KDM5A: variants seen among roughly 807,000 people sequenced by gnomAD.
KDM5A encodes lysine-specific demethylase 5A.
A neutral mutation model predicts 193.5 loss-of-function variants in KDM5A; 42 were observed. The ratio of observed to expected loss-of-function variants is 0.22; its 90% CI spans 0.17 to 0.28. The LOEUF (loss-of-function observed/expected upper bound fraction) is 0.28, where lower values mean the gene tolerates loss of function less well. Ranked by LOEUF, KDM5A falls within the 10% of genes least tolerant of loss-of-function variation. The pLI is 1.00. For missense variants in KDM5A, 1,692 were observed against 2,055.1 expected (o/e 0.82, Z 3.42); for synonymous variants, 796 against 718.1 (o/e 1.11, Z -1.73).
chr12:296,948 C>T lies in KDM5A; in HGVS notation c.4234+93G>A, dbSNP rs1943380953. ...TATTTCATGGCCAACCATTGTACTC[C>T]ACTCGAAATGGAGTCACAGTCTTGA... On this transcript the variant is annotated intron_variant, in intron 25 of 27. Coordinates refer to ENST00000399788, the MANE Select transcript of KDM5A (RefSeq NM_001042603.3). 5.3e-6 allele frequency: 7 copies of T among 1,312,526 alleles called. No homozygotes were observed. In the South Asian group the frequency reaches 8.6e-5, roughly 16 times the overall value. The allele number at this position is 1,312,526 out of a possible 1,614,324, so 81.3% of individuals were successfully genotyped here.
rs1192925365 is a variant in KDM5A, at chr12:354,247, AAAT to A, written c.871-16_871-14del. ...CATAGAGATCAACCTGTTAAAAAAA[AAAT>A]AAATGAAAGTCTATTTTCTATAATA... On this transcript the variant is annotated splice_polypyrimidine_tract_variant and intron_variant, in intron 7 of 27. Transcript: ENST00000399788. 6.4e-7 allele frequency: 1 copy of A among 1,569,240 alleles called. No homozygotes were observed. The highest frequency in any genetic ancestry group is 1.4e-5 in the African/African-American group (1 of 73,592).
intron 2 of KDM5A, among the ~76,000 whole-genome samples, 162 bp from the exon 3 acceptor site, chr12:384,315 C>A (rs910200852): frequency 3.9e-5 from 6 of 152,190 alleles, no homozygotes; most frequent in African/African-American, 1.4e-4. Context: ...GGCAACCAAC[C>A]GGGCAAGCAT....
chr12:331,244 C>G (rs1050079834), intron 13 of KDM5A, among the ~76,000 whole-genome samples: 1 of 152,064 alleles, frequency 6.6e-6, no homozygotes, highest in Non-Finnish European at 1.5e-5. Context: ...TTAATAAGTC[C>G]CAAAATGCTC....
chr12:294,941 C>A (rs1943350100), intron 26 of KDM5A, among the ~76,000 whole-genome samples: 1 of 152,152 alleles, frequency 6.6e-6, no homozygotes, highest in Non-Finnish European at 1.5e-5. Context: ...ATCAAATGAG[C>A]TCATGGAACT....
chr12:308,741 C>T (rs1467072712), intron 22 of KDM5A, among the ~76,000 whole-genome samples: 1 of 152,234 alleles, frequency 6.6e-6, no homozygotes, highest in African/African-American at 2.4e-5. Flanking sequence ...TAGGCAGGCT[C>T]TCTAATCAGA....
chr12:325,556 A>T (rs1455592903), intron 14 of KDM5A, among the ~76,000 whole-genome samples: 1 of 151,868 alleles, frequency 6.6e-6, no homozygotes, highest in Non-Finnish European at 1.5e-5. Context: ...CATGCTTGTA[A>T]CCCTAACTAC....
chr12:385,118 G>A (rs1944623877), intron 2 of KDM5A, among the ~76,000 whole-genome samples: 1 of 151,292 alleles, frequency 6.6e-6, no homozygotes, highest in South Asian at 2.1e-4. Flanking sequence ...GGGAGGTAGA[G>A]GTTGCAGTGA....
intron 1 of KDM5A, chr12:388,679 C>T: frequency 1.7e-6 from 1 of 581,918 alleles, no homozygotes; most frequent in Non-Finnish European, 3.1e-6. Context: ...AGGCCCACGG[C>T]TGAGAGAAAA....
At chr12:331,064 AC>A (rs1943860056) in intron 13 of KDM5A, among the ~76,000 whole-genome samples, 1 of 150,992 alleles carries the variant, frequency 6.6e-6, no homozygotes, top group African/African-American at 2.4e-5. Context: ...TCAATATTAT[AC>A]TCTTTTAAAA....
At chr12:352,475 A>G in intron 8 of KDM5A, 151 bp from the exon 9 acceptor site, 2 of 695,672 alleles carry the variant, frequency 2.9e-6, no homozygotes, top group Non-Finnish European at 5.0e-6. Context: ...TACTTACAAT[A>G]CCGTATCAGG....
At chr12:372,445 T>C (rs1944440857) in intron 3 of KDM5A, among the ~76,000 whole-genome samples, 1 of 152,236 alleles carries the variant, frequency 6.6e-6, no homozygotes, top group Non-Finnish European at 1.5e-5. Flanking sequence ...TGATTTTGTA[T>C]CCTGAGACTT....
Position 389,299 on chromosome 12 carries a change from T to C in KDM5A, c.-208A>G. 1.4e-6 allele frequency: 1 copy of C among 690,652 alleles called. No homozygotes were observed. The highest frequency in any genetic ancestry group is 1.8e-5 in the African/African-American group (1 of 56,962). The allele number at this position is 690,652 out of a possible 1,614,324, so 42.8% of individuals were successfully genotyped here. ...GCTTTTCCACTGAGGTTCAGGACTT[T>C]TCCGGAAGTTACCGTGCTGTCAAAT... On this transcript the variant is annotated 5_prime_UTR_variant, in exon 1 of 28. Coordinates refer to ENST00000399788, the MANE Select transcript of KDM5A (RefSeq NM_001042603.3).
At chr12:388,087 T>C (rs776178598) in intron 1 of KDM5A, 4 of 243,154 alleles carry the variant, frequency 1.6e-5, no homozygotes, top group Admixed American at 4.7e-5. Flanking sequence ...AAGCATCCAG[T>C]TGACCCTGGT....
chr12:333,628 A>G lies in KDM5A; in HGVS notation c.1512T>C (p.Tyr504=), dbSNP rs1432376817. 8.1e-6 allele frequency: 13 copies of G among 1,614,056 alleles called. No individual in the cohort carries two copies. Among genetic ancestry groups the G allele is most frequent in the Non-Finnish European group, 1.1e-5 (13 of 1,180,032 alleles). The change falls in exon 12 of 28, where the codon TAT becomes TAC. Residue 504 remains tyrosine, a synonymous_variant. Coordinates refer to ENST00000399788, the MANE Select transcript of KDM5A (RefSeq NM_001042603.3). ...GCTCTGCAGCATGAGATGGCACACC[A>G]TACCATGTCTTTGGCTCCCCCCTAG... ...YLHWGEPKTW[Y]GVPSHAAEQL...
chr12:347,230 G>C (rs1017837927), intron 10 of KDM5A, among the ~76,000 whole-genome samples: 28 of 152,218 alleles, frequency 1.8e-4, no homozygotes, highest in African/African-American at 6.7e-4. Context: ...TCTTCAAGGA[G>C]AACTACAAAC....
chr12:338,833 ATACT>A (rs1381022100), intron 10 of KDM5A, among the ~76,000 whole-genome samples: 3 of 152,184 alleles, frequency 2.0e-5, no homozygotes, highest in African/African-American at 7.2e-5. Flanking sequence ...TTCAAGTCCT[ATACT>A]TACTTTTACT....
At chr12:382,229 C>T (rs1944583200) in intron 3 of KDM5A, among the ~76,000 whole-genome samples, 1 of 151,700 alleles carries the variant, frequency 6.6e-6, no homozygotes, top group African/African-American at 2.4e-5. Flanking sequence ...GTCAGGAGTT[C>T]GAGTCCAGCC....
chr12:298,756 C>G (rs1233080606), intron 24 of KDM5A, among the ~76,000 whole-genome samples: 1 of 151,956 alleles, frequency 6.6e-6, no homozygotes, highest in African/African-American at 2.4e-5. Context: ...CTCCTCTGAG[C>G]TAAAGGACCA....
At chr12:293,788 A>AGGGG (rs34107168) in intron 26 of KDM5A, among the ~76,000 whole-genome samples, 21 of 82,860 alleles carry the variant, frequency 2.5e-4, no homozygotes, top group Non-Finnish European at 3.9e-4. Flanking sequence ...CAAAAAAAAA[A>AGGGG]GGGGGGGGGG....
Sources: allele counts gnomAD v4.1 joint callset (sites outside exome capture counted in the v4.1 genomes callset), GRCh38; gene constraint gnomAD v4.1.1; transcripts MANE v1.5; gene names NCBI Gene and HGNC (gene_info 2026-07-23, HGNC 2026-07-21).